Variants in RNF145 observed in about 807,000 individuals in gnomAD.
RNF145 encodes the protein ring finger protein 145.
RNF145 carries 12 observed loss-of-function variants against 57.3 expected under a neutral mutation model. The ratio of observed to expected loss-of-function variants is 0.21; its 90% CI spans 0.13 to 0.34. The LOEUF is 0.34. Ranked by LOEUF, RNF145 falls within the 10% of genes least tolerant of loss-of-function variation. The probability of loss-of-function intolerance (pLI) is 1.00; values close to 1 mark genes in which losing one functional copy is unlikely to be tolerated. For synonymous variants in RNF145, 262 were observed against 288.3 expected (o/e 0.91, Z 0.92); for missense variants, 429 against 799.0 (o/e 0.54, Z 5.58).
intron 8 of RNF145, 46 bp from the exon 9 acceptor site, chr5:159,163,125 A>G (rs775835361): frequency 1.3e-6 from 2 of 1,536,350 alleles, no homozygotes; most frequent in South Asian, 1.3e-5. Flanking sequence ...GCCACCTAGT[A>G]GCACAACCAC....
At chr5:159,201,122 T>C (rs778618218) in intron 2 of RNF145, among the ~76,000 whole-genome samples, 10 of 152,190 alleles carry the variant, frequency 6.6e-5, no homozygotes, top group Admixed American at 6.5e-5. Context: ...CACTTACATG[T>C]AGATTTTTTA....
chr5:159,208,454 G>A (rs905463511), intron 1 of RNF145, among the ~76,000 whole-genome samples: 3 of 152,162 alleles, frequency 2.0e-5, no homozygotes, highest in Non-Finnish European at 2.9e-5. Flanking sequence ...GGTGGGGAAA[G>A]CAGTATTGGA....
chr5:159,203,966 G>C (rs1045923635), intron 1 of RNF145, among the ~76,000 whole-genome samples: 1 of 152,132 alleles, frequency 6.6e-6, no homozygotes, highest in South Asian at 2.1e-4. Context: ...ACTGTAACTT[G>C]TATAAAATTA....
intron 3 of RNF145, among the ~76,000 whole-genome samples, chr5:159,186,330 C>G (rs1190918144): frequency 3.9e-5 from 6 of 152,058 alleles, no homozygotes. Context: ...AAATGGGTAC[C>G]AAGAACAAAA....
intron 1 of RNF145, chr5:159,207,689 G>T (rs1472076123): frequency 1.2e-6 from 2 of 1,612,294 alleles, no homozygotes; most frequent in African/African-American, 2.7e-5. Context: ...CATAAGCAAT[G>T]GCACATGTTT....
chr5:159,187,685 T>A (rs1316954141), intron 3 of RNF145, among the ~76,000 whole-genome samples: 1 of 152,150 alleles, frequency 6.6e-6, no homozygotes, highest in South Asian at 2.1e-4. Flanking sequence ...CATGTGACAA[T>A]GTCTAGGGAC....
chr5:159,204,659 C>A (rs567957271), intron 1 of RNF145, among the ~76,000 whole-genome samples: 1 of 152,086 alleles, frequency 6.6e-6, no homozygotes, highest in South Asian at 2.1e-4. Context: ...CAAAAATTAG[C>A]CGGGCATGGT....
intron 8 of RNF145, among the ~76,000 whole-genome samples, chr5:159,166,971 A>G (rs1784411465): frequency 6.6e-6 from 1 of 152,158 alleles, no homozygotes; most frequent in Non-Finnish European, 1.5e-5. Flanking sequence ...AAATAAATAA[A>G]TAAATAAATA....
intron 8 of RNF145, among the ~76,000 whole-genome samples, chr5:159,164,038 G>C (rs541281369): frequency 8.5e-5 from 13 of 152,256 alleles, no homozygotes; most frequent in African/African-American, 2.9e-4. Flanking sequence ...ATCTCAAAGA[G>C]ACACAAATAA....
chr5:159,162,916 T>C lies in RNF145; in HGVS notation c.1269+16A>G, dbSNP rs776050812. 6.3e-7 allele frequency: 1 copy of C among 1,575,094 alleles called. No individual in the cohort carries two copies. Among genetic ancestry groups the C allele is most frequent in the African/African-American group, 1.4e-5 (1 of 72,390 alleles). ...AAAATTGGTTATTATATAGAGTTAATTAATCATAGGCTTACCTGAAGAGAG... is the reference window on the plus strand; with the variant it reads ...AAAATTGGTTATTATATAGAGTTAACTAATCATAGGCTTACCTGAAGAGAG... On this transcript the variant is annotated intron_variant, in intron 9 of 10. Transcript: ENST00000424310.
Position 159,205,848 on chromosome 5 carries a change from A to G in RNF145, c.-39-2192T>C, listed in dbSNP as rs937867312. On this transcript the variant is annotated intron_variant, in intron 1 of 10. Coordinates refer to ENST00000424310, the MANE Select transcript of RNF145 (RefSeq NM_001199383.2). ...GATTTGGAACCTTTCTCTTTTTTCA[A>G]TGCTTTGCTATTTTAAAATGTGCCC... Among the ~76,000 whole-genome samples the G allele has an allele frequency of 1.4e-4, 21 of 152,224 alleles. No homozygotes were observed. The East Asian group carries it at 3.1e-3, about 22-fold the overall frequency.
chr5:159,207,385 CAAG>C (rs1163941536), intron 1 of RNF145: 3 of 791,508 alleles, frequency 3.8e-6, no homozygotes, highest in Non-Finnish European at 3.9e-6. Context: ...AAAGAAAAAA[CAAG>C]AATGACACGT....
At chr5:159,184,821 C>T (rs1785007170) in intron 3 of RNF145, among the ~76,000 whole-genome samples, 1 of 151,998 alleles carries the variant, frequency 6.6e-6, no homozygotes, top group African/African-American at 2.4e-5. Context: ...ACTTTGTAAT[C>T]CTTTCCATTA....
At position 159,203,621 on chromosome 5, in the gene RNF145, G is replaced by GTTTTTTTTTT; in HGVS notation, c.-14_-5dup. 1 of 1,269,996 alleles carries GTTTTTTTTTT rather than the reference G, an allele frequency of 7.9e-7. No individual in the cohort carries two copies. The highest frequency in any genetic ancestry group is 1.1e-6 in the Non-Finnish European group (1 of 933,644). The allele number at this position is 1,269,996 out of a possible 1,614,324, so 78.7% of individuals were successfully genotyped here. ...CCAGTTTCTCCTTTGCAGCCATGTT[G>GTTTTTTTTTT]TTTTTTTTTTTCTTTTTTTTTTTCT... On this transcript the variant is annotated 5_prime_UTR_variant, in exon 2 of 11. Transcript: ENST00000424310.
intron 8 of RNF145, among the ~76,000 whole-genome samples, chr5:159,164,532 A>G (rs1784332014): frequency 6.6e-6 from 1 of 152,200 alleles, no homozygotes; most frequent in South Asian, 2.1e-4. Context: ...TTTTACATTT[A>G]TGCCTAATTT....
At chr5:159,160,332 C>T (rs866568169) in intron 10 of RNF145, among the ~76,000 whole-genome samples, 1 of 151,850 alleles carries the variant, frequency 6.6e-6, no homozygotes, top group Non-Finnish European at 1.5e-5. Context: ...ATGTTCTAAT[C>T]AAAATAAAAA....
chr5:159,204,803 C>CG (rs1216598721), intron 1 of RNF145, among the ~76,000 whole-genome samples: 328 of 47,050 alleles, frequency 7.0e-3, no homozygotes, highest in Non-Finnish European at 0.012. Flanking sequence ...GACTCCGTCT[C>CG]AAAAAAAAAA....
At position 159,165,698 on chromosome 5, in the gene RNF145, A is replaced by T. The variant is rs1584664804; in HGVS notation, c.1122-2619T>A. Among the ~76,000 whole-genome samples the T allele has an allele frequency of 1.9e-4, 22 of 117,344 alleles. 7 individuals are homozygous for T. The highest frequency in any genetic ancestry group is 4.7e-4 in the Admixed American group (5 of 10,750). The allele number at this position is 117,344 out of a possible 152,430, so 77.0% of individuals were successfully genotyped here. On this transcript the variant is annotated intron_variant, in intron 8 of 10. Transcript: ENST00000424310. ...ACTCCGTCTCAAAAAAAAAAAAAAA[A>T]AAAAAAAAAAAAAAAAAAAAAAAAA...
intron 5 of RNF145, among the ~76,000 whole-genome samples, chr5:159,175,370 A>G (rs565475323): frequency 1.1e-4 from 17 of 152,256 alleles, no homozygotes; most frequent in African/African-American, 3.6e-4. Context: ...TTTATAACCT[A>G]TATTTCCAAC....
Sources: gnomAD v4.1 joint callset for allele counts (sites outside exome capture counted in the v4.1 genomes callset) on GRCh38, gnomAD v4.1.1 for gene constraint, MANE v1.5 for transcripts, NCBI Gene and HGNC (gene_info 2026-07-23, HGNC 2026-07-21) for gene names.